The following CERT1 variants were observed in gnomAD, a reference collection of about 807,000 sequenced individuals.
The protein encoded by CERT1 is ceramide transfer protein.
Under a neutral mutation model 87.9 loss-of-function variants are expected in CERT1, and 31 were observed. The ratio of observed to expected loss-of-function variants is 0.35; its 90% CI spans 0.27 to 0.48. The LOEUF (loss-of-function observed/expected upper bound fraction) is 0.48, where lower values mean the gene tolerates loss of function less well. Among genes scored for constraint, CERT1 ranks in the 20% least tolerant of loss-of-function variants. The pLI, the probability that CERT1 is intolerant of heterozygous loss-of-function variation, is 0.99. For synonymous variants in CERT1, 289 were observed against 250.9 expected, an observed-to-expected ratio of 1.15 and a Z score of -1.44; for missense variants, 487 against 758.0, an observed-to-expected ratio of 0.64 and a Z score of 4.20.
intron 3 of CERT1, among the ~76,000 whole-genome samples, chr5:75,447,466 A>T (rs1437436905): frequency 1.3e-5 from 2 of 150,628 alleles, no homozygotes; most frequent in Non-Finnish European, 3.0e-5. Context: ...TTATTTATTT[A>T]TTTATTTATT....
At chr5:75,468,188 T>C (rs1288692041) in intron 2 of CERT1, among the ~76,000 whole-genome samples, 1 of 152,202 alleles carries the variant, frequency 6.6e-6, no homozygotes, top group Non-Finnish European at 1.5e-5. Flanking sequence ...GAAACATCAT[T>C]TTGAATAACT....
rs577537945 is a variant in CERT1 at position 75,500,190 on chromosome 5, C to T, written c.231+5792G>A. 4.6e-5 allele frequency among the ~76,000 whole-genome samples: 7 copies of T among 152,308 alleles called. No individual in the cohort carries two copies. The East Asian group carries it at 1.4e-3, about 29-fold the overall frequency. ...GAAACAGCTTCTCCCTCACCGCCAA[C>T]AGAAGGAACCAACCCTGCCCACACC... is the stretch of plus-strand genomic sequence containing the variant. On this transcript the variant is annotated intron_variant, in intron 2 of 16. Coordinates refer to ENST00000643780, the MANE Select transcript of CERT1 (RefSeq NM_001379029.1).
intron 8 of CERT1, among the ~76,000 whole-genome samples, chr5:75,408,723 C>T (rs1762811269): frequency 6.6e-6 from 1 of 151,894 alleles, no homozygotes; most frequent in Non-Finnish European, 1.5e-5. Flanking sequence ...CAATCTCTGC[C>T]AGTACACAAT....
intron 3 of CERT1, among the ~76,000 whole-genome samples, chr5:75,440,927 C>G (rs562873871): frequency 2.4e-4 from 37 of 152,204 alleles, no homozygotes; most frequent in African/African-American, 8.9e-4. Context: ...CTATGGCTCC[C>G]TGTTTCTCTT....
At chr5:75,412,853 C>A (rs1762986565) in intron 7 of CERT1, among the ~76,000 whole-genome samples, 1 of 152,150 alleles carries the variant, frequency 6.6e-6, no homozygotes, top group African/African-American at 2.4e-5. Flanking sequence ...TTACTGCACA[C>A]CACTGTAAAC....
intron 7 of CERT1, among the ~76,000 whole-genome samples, chr5:75,415,730 A>C (rs770212568): frequency 3.2e-4 from 48 of 152,114 alleles, no homozygotes; most frequent in Non-Finnish European, 5.4e-4. Flanking sequence ...CATTAGTCTA[A>C]TGTATTTAGG....
At chr5:75,452,335 C>T (rs1158532985) in intron 3 of CERT1, among the ~76,000 whole-genome samples, 1 of 152,192 alleles carries the variant, frequency 6.6e-6, no homozygotes, top group Non-Finnish European at 1.5e-5. Context: ...GGCACCAACA[C>T]TTTAGGACCT....
At position 75,378,625 on chromosome 5, in the gene CERT1, T is replaced by C. The variant is rs1364015991; in HGVS notation, c.*721A>G. The C allele has an allele frequency of 6.6e-6, 1 of 152,148 alleles. No individual in the cohort carries two copies. Among genetic ancestry groups the C allele is most frequent in the African/African-American group, 2.4e-5 (1 of 41,436 alleles). The allele number at this position is 152,148 out of a possible 1,614,324, so 9.4% of individuals were successfully genotyped here. A position where few individuals can be genotyped will look rare whatever the true frequency, so the allele number is the denominator to read the frequency against. ...TATAAAGAAAGATAGTCAAGATACATTGTTAAGTGAAAAAAAGGTTATAAA... is the reference window on the plus strand; with the variant it reads ...TATAAAGAAAGATAGTCAAGATACACTGTTAAGTGAAAAAAAGGTTATAAA... On this transcript the variant is annotated 3_prime_UTR_variant, in exon 17 of 17. Coordinates refer to ENST00000643780, the MANE Select transcript of CERT1 (RefSeq NM_001379029.1).
chr5:75,446,706 C>T (rs1444818147), intron 3 of CERT1, among the ~76,000 whole-genome samples: 1 of 152,152 alleles, frequency 6.6e-6, no homozygotes, highest in Non-Finnish European at 1.5e-5. Context: ...TGCCAAGGAT[C>T]CAGCCTGAGG....
At chr5:75,494,995 A>G (rs1192151892) in intron 2 of CERT1, among the ~76,000 whole-genome samples, 1 of 152,202 alleles carries the variant, frequency 6.6e-6, no homozygotes, top group African/African-American at 2.4e-5. Context: ...GTAAGTTTTC[A>G]GGAATCATTA....
chr5:75,393,399 G>A (rs1287894466), intron 11 of CERT1, among the ~76,000 whole-genome samples: 1 of 151,584 alleles, frequency 6.6e-6, no homozygotes. Flanking sequence ...CACTCAGTAT[G>A]ATGCCATTTC....
At chr5:75,497,754 G>C (rs539473080) in intron 2 of CERT1, among the ~76,000 whole-genome samples, 1 of 152,158 alleles carries the variant, frequency 6.6e-6, no homozygotes, top group East Asian at 1.9e-4. Flanking sequence ...GAAATACCCA[G>C]TCTCGGGTAT....
intron 11 of CERT1, among the ~76,000 whole-genome samples, chr5:75,394,882 G>C (rs1388668065): frequency 6.6e-6 from 1 of 152,078 alleles, no homozygotes; most frequent in African/African-American, 2.4e-5. Context: ...AGGCACATAT[G>C]GATAAGTACA....
chr5:75,487,163 CAGAAACA>C (rs1376837877), intron 2 of CERT1, among the ~76,000 whole-genome samples: 3 of 152,014 alleles, frequency 2.0e-5, no homozygotes, highest in African/African-American at 7.2e-5. Flanking sequence ...GAACAGAGCT[CAGAAACA>C]AATCCACACA....
At chr5:75,495,016 T>C (rs1479395952) in intron 2 of CERT1, among the ~76,000 whole-genome samples, 1 of 152,186 alleles carries the variant, frequency 6.6e-6, no homozygotes, top group East Asian at 1.9e-4. Context: ...CCCTTTCCTA[T>C]CTCCCACCCT....
At chr5:75,426,726 A>G (rs2112189003) in intron 3 of CERT1, among the ~76,000 whole-genome samples, 1 of 152,336 alleles carries the variant, frequency 6.6e-6, no homozygotes, top group African/African-American at 2.4e-5. Flanking sequence ...TAGGAAAACT[A>G]AAGTAGTCAA....
At chr5:75,395,489 G>A (rs1403006636) in intron 11 of CERT1, among the ~76,000 whole-genome samples, 3 of 144,644 alleles carry the variant, frequency 2.1e-5, no homozygotes, top group South Asian at 2.2e-4. Flanking sequence ...GAGGTCAGAG[G>A]TCAGGTTACA....
chr5:75,368,959 C>G (rs993582958), intron 17 of CERT1: 11 of 152,020 alleles, frequency 7.2e-5, no homozygotes, highest in South Asian at 2.1e-4. Flanking sequence ...ATCACCCAGG[C>G]TGGAGTGCAG....
At chr5:75,452,648 A>G (rs1328513005) in intron 3 of CERT1, among the ~76,000 whole-genome samples, 1 of 152,176 alleles carries the variant, frequency 6.6e-6, no homozygotes, top group Admixed American at 6.5e-5. Flanking sequence ...TTGACAAATT[A>G]TACAGAAAAT....
Sources: allele counts gnomAD v4.1 joint callset (sites outside exome capture counted in the v4.1 genomes callset), GRCh38; gene constraint gnomAD v4.1.1; transcripts MANE v1.5; gene names NCBI Gene and HGNC (gene_info 2026-07-23, HGNC 2026-07-21).